Variants in ACSM3 observed in about 807,000 individuals in gnomAD.
ACSM3 encodes acyl-CoA synthetase medium chain family member 3.
In ACSM3, 61 loss-of-function variants were observed where a neutral mutation model predicts 74.1. The observed-to-expected ratio is 0.82, with a 90% confidence interval of 0.67 to 1.02. The LOEUF is 1.02. ACSM3 is among the 50% of genes least tolerant of loss of function. ACSM3 has a pLI of 0.00. For synonymous variants in ACSM3, 213 were observed against 241.5 expected, an observed-to-expected ratio of 0.88 and a Z score of 1.09; for missense variants, 660 against 697.0, an observed-to-expected ratio of 0.95 and a Z score of 0.60.
intron 1 of ACSM3, among the ~76,000 whole-genome samples, chr16:20,675,453 T>C (rs1567300235): frequency 6.6e-6 from 1 of 152,148 alleles, no homozygotes; most frequent in Non-Finnish European, 1.5e-5. Context: ...GGCACGTTCC[T>C]GGCTAAGCAG....
At chr16:20,794,221 G>A (rs891724994) in intron 12 of ACSM3, among the ~76,000 whole-genome samples, 2 of 152,176 alleles carry the variant, frequency 1.3e-5, no homozygotes, top group Non-Finnish European at 2.9e-5. Context: ...GCAAGTTCCA[G>A]AATTGATTAA....
intron 1 of ACSM3, chr16:20,741,477 G>GGCCC: frequency 7.3e-7 from 1 of 1,378,122 alleles, no homozygotes; most frequent in South Asian, 1.5e-5. Context: ...AGGCCTGGCA[G>GGCCC]CCGGCCCGCC....
At chr16:20,764,221 CA>C (rs1201419054) in intron 1 of ACSM3, 96 bp downstream of exon 1, 1 of 152,126 alleles carries the variant, frequency 6.6e-6, no homozygotes, top group Non-Finnish European at 1.5e-5. Context: ...AACCAACAAT[CA>C]AAAATGCTGT....
intron 1 of ACSM3, among the ~76,000 whole-genome samples, chr16:20,719,742 G>A (rs1596484686): frequency 6.6e-6 from 1 of 152,156 alleles, no homozygotes; most frequent in Non-Finnish European, 1.5e-5. Context: ...CAAGATAATA[G>A]CTGATAAACC....
chr16:20,766,957 A>G (rs1256940260), intron 1 of ACSM3, among the ~76,000 whole-genome samples: 1 of 152,190 alleles, frequency 6.6e-6, no homozygotes, highest in East Asian at 1.9e-4. Context: ...CCCTGAAAAG[A>G]TAAGTAGAAA....
Position 20,780,759 on chromosome 16 carries a change from GA to G in ACSM3, c.685del (p.Ile229SerfsTer16). 6.2e-7 allele frequency: 1 copy of G among 1,614,168 alleles called. No individual in the cohort carries two copies. Among genetic ancestry groups the G allele is most frequent in the Middle Eastern group, 1.7e-4 (1 of 6,060 alleles). On this transcript the variant is annotated frameshift_variant, in exon 5 of 14. Transcript: ENST00000289416. LOFTEE classifies it high-confidence loss of function. ...HTCVKTKHNE[I>X]MAIFFTSGTS... ...CCTGTGTGAAGACAAAACACAATGA[GA>G]TCATGGCCATATTCTTTACCAGTGG...
chr16:20,759,109 C>A (rs1944934747), upstream of ACSM3, among the ~76,000 whole-genome samples: 1 of 152,120 alleles, frequency 6.6e-6, no homozygotes, highest in South Asian at 2.1e-4. Flanking sequence ...GGAGAACCAA[C>A]CTTGTGATTA....
chr16:20,754,784 A>C (rs1215241804), intron 2 of ACSM3, among the ~76,000 whole-genome samples: 3 of 152,204 alleles, frequency 2.0e-5, no homozygotes. Context: ...AAGTGTCACA[A>C]ATAAGTAGAA....
At chr16:20,718,540 G>T in intron 1 of ACSM3, 1 of 266,474 alleles carries the variant, frequency 3.8e-6, no homozygotes, top group Non-Finnish European at 7.2e-6. Flanking sequence ...CCAAAGAGCT[G>T]CCAATATGTG....
intron 1 of ACSM3, among the ~76,000 whole-genome samples, chr16:20,713,397 A>AC (rs566574960): frequency 3.3e-5 from 5 of 151,936 alleles, no homozygotes; most frequent in African/African-American, 7.3e-5. Context: ...TTTTTAACAT[A>AC]CCCCCCCATA....
At chr16:20,683,228 C>T (rs2079482064) in intron 1 of ACSM3, among the ~76,000 whole-genome samples, 1 of 151,978 alleles carries the variant, frequency 6.6e-6, no homozygotes, top group South Asian at 2.1e-4. Flanking sequence ...AGCAATTGTC[C>T]TGTCTCAGCC....
intron 2 of ACSM3, 79 bp downstream of exon 2, chr16:20,770,332 G>A (rs1416948248): frequency 7.8e-7 from 1 of 1,284,888 alleles, no homozygotes; most frequent in Non-Finnish European, 1.1e-6. Flanking sequence ...CTAATGTCTA[G>A]AAATATTTTT....
intron 12 of ACSM3, 186 bp downstream of exon 12, chr16:20,792,521 C>T: frequency 1.0e-6 from 1 of 985,286 alleles, no homozygotes; most frequent in Non-Finnish European, 1.2e-6. Context: ...CAGCTCTGAT[C>T]CTAACAGACA....
intron 1 of ACSM3, among the ~76,000 whole-genome samples, chr16:20,685,008 G>T (rs1038285404): frequency 1.3e-5 from 2 of 152,192 alleles, no homozygotes; most frequent in Non-Finnish European, 2.9e-5. Context: ...AAATTGTTTT[G>T]TCTCTAATTA....
chr16:20,766,326 T>C (rs1230916481), intron 1 of ACSM3, among the ~76,000 whole-genome samples: 2 of 133,756 alleles, frequency 1.5e-5, no homozygotes, highest in African/African-American at 2.9e-5. Flanking sequence ...AGTGCAGTTC[T>C]TCACTAGAAT....
rs2079745668 is a variant in ACSM3 at position 20,712,070 on chromosome 16, T to A, written c.-190+37248T>A. On this transcript the variant is annotated intron_variant, in intron 1 of 3. Coordinates refer to the ACSM3 transcript ENST00000561584. ...CCTTCTTGTCAAATTTTGGCTCAAATATTTTATCCTAAGTGAACTTCTCCT... is the reference window on the plus strand; with the variant it reads ...CCTTCTTGTCAAATTTTGGCTCAAAAATTTTATCCTAAGTGAACTTCTCCT... Among the ~76,000 whole-genome samples the A allele has an allele frequency of 2.6e-5, 4 of 152,112 alleles. No individual in the cohort carries two copies. The South Asian group carries it at 8.3e-4, about 32-fold the overall frequency.
chr16:20,736,873 T>A (rs1458256009), intron 1 of ACSM3: 2 of 1,611,832 alleles, frequency 1.2e-6, no homozygotes, highest in Non-Finnish European at 1.7e-6. Context: ...CAACACCAAA[T>A]GACTTCCTAT....
intron 1 of ACSM3, among the ~76,000 whole-genome samples, chr16:20,678,296 C>T (rs976202555): frequency 6.6e-6 from 1 of 151,684 alleles, no homozygotes; most frequent in African/African-American, 2.4e-5. Flanking sequence ...GAAAAAAAAA[C>T]ACACAAAAAA....
chr16:20,768,783 GC>G (rs2080156416), intron 1 of ACSM3, among the ~76,000 whole-genome samples: 1 of 152,180 alleles, frequency 6.6e-6, no homozygotes, highest in African/African-American at 2.4e-5. Flanking sequence ...ACAGAATGAA[GC>G]AGGCTGTTTC....
Sources: gnomAD v4.1 joint callset for allele counts (sites outside exome capture counted in the v4.1 genomes callset) on GRCh38, gnomAD v4.1.1 for gene constraint, MANE v1.5 for transcripts, NCBI Gene and HGNC (gene_info 2026-07-23, HGNC 2026-07-21) for gene names.